The following STXBP5L variants were observed in gnomAD, a reference collection of about 807,000 sequenced individuals.
STXBP5L encodes syntaxin binding protein 5L.
A neutral mutation model predicts 144.5 loss-of-function variants in STXBP5L; 65 were observed. The observed-to-expected ratio is 0.45, with a 90% confidence interval of 0.37 to 0.55. STXBP5L has a LOEUF of 0.55. Among genes scored for constraint, STXBP5L ranks in the 20% least tolerant of loss-of-function variants. STXBP5L has a pLI of 0.00. For synonymous variants in STXBP5L, 505 were observed against 469.6 expected, an observed-to-expected ratio of 1.08 and a Z score of -0.97; for missense variants, 1,298 against 1,405.5, an observed-to-expected ratio of 0.92 and a Z score of 1.22.
intron 5 of STXBP5L, among the ~76,000 whole-genome samples, chr3:121,074,954 C>T (rs2041960591): frequency 6.6e-6 from 1 of 152,198 alleles, no homozygotes; most frequent in Non-Finnish European, 1.5e-5. Context: ...AATTTTTAGA[C>T]AATGGCCCAA....
rs546257379 is a variant in STXBP5L at position 121,234,634 on chromosome 3, A to T, written c.1184+946A>T. 3.3e-5 allele frequency among the ~76,000 whole-genome samples: 5 copies of T among 151,080 alleles called. No homozygotes were observed. In the South Asian group the frequency reaches 1.0e-3, roughly 32 times the overall value. ...TGTTGAATAAATCAGTCCAAATTCTACTCTTCAAGTTGTTTGTAAATGTAA... is the reference window on the plus strand; with the variant it reads ...TGTTGAATAAATCAGTCCAAATTCTTCTCTTCAAGTTGTTTGTAAATGTAA... On this transcript the variant is annotated intron_variant, in intron 12 of 26. Transcript: ENST00000471454.
At chr3:121,062,074 A>G (rs558949986) in intron 5 of STXBP5L, among the ~76,000 whole-genome samples, 8 of 152,256 alleles carry the variant, frequency 5.3e-5, no homozygotes, top group African/African-American at 1.9e-4. Context: ...GGTCTTTACA[A>G]TTTGGTATGT....
chr3:121,347,789 A>G (rs1230953339), intron 20 of STXBP5L, among the ~76,000 whole-genome samples: 3 of 152,038 alleles, frequency 2.0e-5, no homozygotes, highest in East Asian at 1.9e-4. Flanking sequence ...AATGCTTGTG[A>G]TTTTTGCACA....
chr3:121,113,666 CTTTTTCT>C (rs1170219565), intron 5 of STXBP5L, among the ~76,000 whole-genome samples: 1 of 132,876 alleles, frequency 7.5e-6, no homozygotes, highest in African/African-American at 2.8e-5. Flanking sequence ...ATTCTTTTTT[CTTTTTCT>C]TTTTTTTTTT....
At chr3:120,999,505 G>A (rs1443025819) in intron 3 of STXBP5L, among the ~76,000 whole-genome samples, 2 of 152,132 alleles carry the variant, frequency 1.3e-5, no homozygotes, top group African/African-American at 4.8e-5. Flanking sequence ...GCGTACAGTT[G>A]GGTGTTGCTT....
intron 12 of STXBP5L, among the ~76,000 whole-genome samples, chr3:121,236,954 T>A (rs1012448652): frequency 6.6e-6 from 1 of 152,284 alleles, no homozygotes; most frequent in Non-Finnish European, 1.5e-5. Flanking sequence ...AGACATTAAA[T>A]CTTAAAGCTC....
At chr3:121,053,927 A>G (rs1212449138) in intron 5 of STXBP5L, among the ~76,000 whole-genome samples, 2 of 152,252 alleles carry the variant, frequency 1.3e-5, no homozygotes, top group Admixed American at 6.5e-5. Context: ...AAAAGTGGGC[A>G]AAGGATATGA....
chr3:121,055,357 T>C (rs919733360), intron 5 of STXBP5L, among the ~76,000 whole-genome samples: 1 of 152,152 alleles, frequency 6.6e-6, no homozygotes, highest in African/African-American at 2.4e-5. Flanking sequence ...AGTACTCTTA[T>C]GTTTATGCTA....
chr3:121,120,485 G>A (rs1376203636), intron 6 of STXBP5L, among the ~76,000 whole-genome samples: 1 of 151,060 alleles, frequency 6.6e-6, no homozygotes, highest in Non-Finnish European at 1.5e-5. Context: ...TTTATTGAAT[G>A]CACACTATGT....
intron 5 of STXBP5L, among the ~76,000 whole-genome samples, chr3:121,053,295 G>A (rs557803052): frequency 5.3e-5 from 8 of 152,220 alleles, no homozygotes; most frequent in African/African-American, 1.2e-4. Flanking sequence ...TCAATCCTAA[G>A]CCAAAAGAAC....
chr3:120,969,998 C>G (rs906764691), intron 3 of STXBP5L, among the ~76,000 whole-genome samples: 1 of 151,958 alleles, frequency 6.6e-6, no homozygotes, highest in African/African-American at 2.4e-5. Context: ...TCCAAAAAAT[C>G]AGGTCATTTA....
intron 2 of STXBP5L, among the ~76,000 whole-genome samples, chr3:120,926,195 T>G (rs1709616268): frequency 6.6e-6 from 1 of 152,144 alleles, no homozygotes; most frequent in Non-Finnish European, 1.5e-5. Flanking sequence ...TAAGTTAATT[T>G]TTTTTTAAAT....
intron 5 of STXBP5L, among the ~76,000 whole-genome samples, chr3:121,090,047 A>T (rs1408399987): frequency 6.6e-6 from 1 of 152,094 alleles, no homozygotes; most frequent in Non-Finnish European, 1.5e-5. Context: ...TCTAATATCT[A>T]TGTCATCTTG....
At chr3:121,308,605 G>A (rs947050106) in intron 19 of STXBP5L, among the ~76,000 whole-genome samples, 3 of 152,094 alleles carry the variant, frequency 2.0e-5, no homozygotes, top group Admixed American at 6.6e-5. Context: ...ACATTTGTCA[G>A]TAAGAGCATA....
intron 19 of STXBP5L, among the ~76,000 whole-genome samples, chr3:121,281,611 A>G (rs2051061644): frequency 6.6e-6 from 1 of 152,016 alleles, no homozygotes; most frequent in African/African-American, 2.4e-5. Context: ...CACTTGCTGG[A>G]TATACACAGT....
At chr3:121,121,965 G>A (rs1479328329) in intron 7 of STXBP5L, among the ~76,000 whole-genome samples, 2 of 150,714 alleles carry the variant, frequency 1.3e-5, no homozygotes, top group African/African-American at 4.8e-5. Flanking sequence ...ATAACATGTA[G>A]AACAACTTTA....
intron 3 of STXBP5L, among the ~76,000 whole-genome samples, chr3:120,985,883 T>G (rs766024694): frequency 2.0e-5 from 3 of 152,028 alleles, no homozygotes; most frequent in South Asian, 2.1e-4. Context: ...TTGGTTTCAC[T>G]GATTTTTTCT....
At chr3:121,041,964 G>GA (rs1457792570) in intron 4 of STXBP5L, among the ~76,000 whole-genome samples, 183 bp downstream of exon 4, 2 of 151,840 alleles carry the variant, frequency 1.3e-5, no homozygotes, top group Non-Finnish European at 1.5e-5. Flanking sequence ...AAATTTTAAA[G>GA]AAAAAAGATT....
At chr3:121,328,976 A>T (rs2044238594) in intron 20 of STXBP5L, among the ~76,000 whole-genome samples, 1 of 152,018 alleles carries the variant, frequency 6.6e-6, no homozygotes, top group Non-Finnish European at 1.5e-5. Flanking sequence ...AAAAGAACTA[A>T]TCATAATCAC....
Sources: allele counts gnomAD v4.1 joint callset (sites outside exome capture counted in the v4.1 genomes callset), GRCh38; gene constraint gnomAD v4.1.1; transcripts MANE v1.5; gene names NCBI Gene and HGNC (gene_info 2026-07-23, HGNC 2026-07-21).